The following GRIN3A variants were observed in gnomAD, a reference collection of about 807,000 sequenced individuals.
The protein encoded by GRIN3A is glutamate ionotropic receptor NMDA type subunit 3A, also known as glutamate receptor ionotropic, NMDA 3A.
A neutral mutation model predicts 92.4 loss-of-function variants in GRIN3A; 47 were observed. That is an observed-to-expected ratio of 0.51 (90% CI 0.40 to 0.65). The LOEUF is 0.65. Among genes scored for constraint, GRIN3A ranks in the 30% least tolerant of loss-of-function variants. The pLI is 0.00. For synonymous variants in GRIN3A, 527 were observed against 540.6 expected, an observed-to-expected ratio of 0.97 and a Z score of 0.35; for missense variants, 1,324 against 1,393.1, an observed-to-expected ratio of 0.95 and a Z score of 0.79.
intron 6 of GRIN3A, among the ~76,000 whole-genome samples, chr9:101,582,799 A>G (rs779796973): frequency 2.0e-5 from 3 of 152,192 alleles, no homozygotes; most frequent in Non-Finnish European, 4.4e-5. Flanking sequence ...CAAGATGAGG[A>G]GGAAAGATGT....
chr9:101,584,864 G>C (rs949641278), intron 6 of GRIN3A, among the ~76,000 whole-genome samples: 3 of 152,150 alleles, frequency 2.0e-5, no homozygotes, highest in African/African-American at 7.2e-5. Context: ...CTCGAGTAGT[G>C]ACTAGTTCTC....
intron 3 of GRIN3A, among the ~76,000 whole-genome samples, chr9:101,630,126 A>C (rs1383473027): frequency 3.3e-5 from 5 of 152,220 alleles, no homozygotes; most frequent in African/African-American, 1.2e-4. Context: ...ACCTAGGTCA[A>C]ATTTTTCTAT....
chr9:101,584,378 CTG>C (rs1224084886), intron 6 of GRIN3A, among the ~76,000 whole-genome samples: 1 of 152,174 alleles, frequency 6.6e-6, no homozygotes, highest in African/African-American at 2.4e-5. Context: ...ATTTACTACA[CTG>C]TGAAGAAAAA....
intron 3 of GRIN3A, among the ~76,000 whole-genome samples, chr9:101,667,142 C>T (rs10113872): frequency 0.33 from 50,827 of 151,818 alleles, 9,432 homozygotes; most frequent in Non-Finnish European, 0.42. Flanking sequence ...TTCCTCATAT[C>T]TTGCCTGTGC....
intron 5 of GRIN3A, among the ~76,000 whole-genome samples, chr9:101,619,854 C>CT (rs924940147): frequency 4.6e-5 from 7 of 152,088 alleles, no homozygotes; most frequent in African/African-American, 1.7e-4. Context: ...TATCTCAACA[C>CT]TTTTTTTTCT....
At chr9:101,596,049 C>G (rs567209694) in intron 6 of GRIN3A, among the ~76,000 whole-genome samples, 10 of 152,308 alleles carry the variant, frequency 6.6e-5, no homozygotes, top group African/African-American at 2.4e-4. Flanking sequence ...GGTTCAAGAG[C>G]AAACAGTTCA....
intron 3 of GRIN3A, among the ~76,000 whole-genome samples, chr9:101,631,327 A>G (rs546173245): frequency 6.6e-6 from 1 of 152,344 alleles, no homozygotes; most frequent in African/African-American, 2.4e-5. Flanking sequence ...CTAAGCTAAC[A>G]GTATAGCTTA....
chr9:101,592,573 AACATT>A (rs1828045589), intron 6 of GRIN3A: 1 of 152,190 alleles, frequency 6.6e-6, no homozygotes, highest in Non-Finnish European at 1.5e-5. Context: ...TGAATCTTTG[AACATT>A]ACATAACCCT....
chr9:101,577,613 G>A (rs923169123), intron 8 of GRIN3A, among the ~76,000 whole-genome samples, 155 bp downstream of exon 8: 1 of 152,138 alleles, frequency 6.6e-6, no homozygotes, highest in African/African-American at 2.4e-5. Flanking sequence ...CTGCATTTTA[G>A]TGTCCATATA....
At chr9:101,674,338 C>A (rs552229332) in intron 2 of GRIN3A, among the ~76,000 whole-genome samples, 1 of 152,164 alleles carries the variant, frequency 6.6e-6, no homozygotes, top group South Asian at 2.1e-4. Flanking sequence ...ATGTGAGGAA[C>A]AATGCTTCTT....
intron 3 of GRIN3A, among the ~76,000 whole-genome samples, chr9:101,668,789 C>G (rs1829274972): frequency 6.6e-6 from 1 of 152,122 alleles, no homozygotes; most frequent in African/African-American, 2.4e-5. Context: ...GGTTGCAAAA[C>G]AGAACTTACA....
intron 3 of GRIN3A, among the ~76,000 whole-genome samples, chr9:101,667,137 C>T (rs1829249244): frequency 6.6e-6 from 1 of 151,952 alleles, no homozygotes; most frequent in Non-Finnish European, 1.5e-5. Flanking sequence ...TTAGATTCCT[C>T]ATATCTTGCC....
rs2118950392 is a variant in GRIN3A at position 101,670,155 on chromosome 9, A to G, written c.2257T>C (p.Cys753Arg). ...GTGTATGTGGAAAGGCAAAACATAC[A>G]GAAAATGGCCCAAAGGTTCATTAGA... is the stretch of plus-strand genomic sequence containing the variant. Reference protein sequence around the residue: ...RFLMNLWAIFCMFCLSTYTAN... With the variant: ...RFLMNLWAIFRMFCLSTYTAN... The change falls in exon 3 of 9, where the codon TGT becomes CGT. Residue 753 changes from cysteine to arginine, a missense_variant. Transcript: ENST00000361820. The G allele has an allele frequency of 6.2e-7, 1 of 1,613,808 alleles. No individual in the cohort carries two copies. Among genetic ancestry groups the G allele is most frequent in the Non-Finnish European group, 8.5e-7 (1 of 1,179,756 alleles).
At chr9:101,689,743 T>TACAC (rs33984810) in intron 1 of GRIN3A, among the ~76,000 whole-genome samples, 7,442 of 143,726 alleles carry the variant, frequency 0.052, 187 homozygotes, top group Middle Eastern at 0.06. Flanking sequence ...CACACACACA[T>TACAC]ACACACACAC....
intron 1 of GRIN3A, among the ~76,000 whole-genome samples, chr9:101,724,515 G>T (rs1564153304): frequency 1.3e-5 from 2 of 152,160 alleles, no homozygotes; most frequent in Non-Finnish European, 2.9e-5. Flanking sequence ...GCAAGCTGAG[G>T]GAGCAGGCTC....
At chr9:101,639,731 G>A (rs564461497) in intron 3 of GRIN3A, among the ~76,000 whole-genome samples, 54 of 152,240 alleles carry the variant, frequency 3.5e-4, no homozygotes, top group African/African-American at 1.2e-3. Flanking sequence ...ATTAAAGCAT[G>A]TCCAATCTGG....
chr9:101,678,259 G>A (rs1829424112), intron 2 of GRIN3A, among the ~76,000 whole-genome samples: 1 of 152,118 alleles, frequency 6.6e-6, no homozygotes, highest in Admixed American at 6.5e-5. Context: ...CATTAAGTCA[G>A]GAAACATTTG....
chr9:101,577,974 A>G, intron 7 of GRIN3A, 130 bp from the exon 8 acceptor site: 1 of 689,990 alleles, frequency 1.4e-6, no homozygotes. Flanking sequence ...AATTCCAGAA[A>G]TGCCTAAAAA....
intron 1 of GRIN3A, among the ~76,000 whole-genome samples, chr9:101,736,135 C>G (rs1030475273): frequency 2.0e-5 from 3 of 152,262 alleles, no homozygotes; most frequent in East Asian, 3.9e-4. Context: ...TTTCCAGCTG[C>G]AAGAGTTGAG....
Sources: gnomAD v4.1 joint callset for allele counts (sites outside exome capture counted in the v4.1 genomes callset) on GRCh38, gnomAD v4.1.1 for gene constraint, MANE v1.5 for transcripts, NCBI Gene and HGNC (gene_info 2026-07-23, HGNC 2026-07-21) for gene names.